Variants in DTNB observed in about 807,000 individuals in gnomAD.
DTNB encodes the protein DTN-B.
Under a neutral mutation model 90.7 loss-of-function variants are expected in DTNB, and 63 were observed. The ratio of observed to expected loss-of-function variants is 0.69; its 90% CI spans 0.57 to 0.86. DTNB has a LOEUF of 0.86. Ranked by LOEUF, DTNB falls within the 40% of genes least tolerant of loss-of-function variation. The pLI is 0.00. For missense variants in DTNB, 744 were observed against 807.1 expected (o/e 0.92, Z 0.95); for synonymous variants, 277 against 286.7 (o/e 0.97, Z 0.34).
chr2:25,447,499 CTT>C (rs34508984), intron 12 of DTNB, among the ~76,000 whole-genome samples: 31 of 116,018 alleles, frequency 2.7e-4, no homozygotes, highest in African/African-American at 6.2e-4. Flanking sequence ...AGCTAGTTAT[CTT>C]TTTTTTTTTT....
intron 6 of DTNB, among the ~76,000 whole-genome samples, chr2:25,594,051 G>A (rs1163946880): frequency 6.6e-6 from 1 of 152,198 alleles, no homozygotes; most frequent in Non-Finnish European, 1.5e-5. Flanking sequence ...CAAGGCAGCA[G>A]CAGGAGCAGC....
intron 10 of DTNB, among the ~76,000 whole-genome samples, chr2:25,455,775 G>A (rs947520919): frequency 4.6e-5 from 7 of 152,162 alleles, no homozygotes; most frequent in Non-Finnish European, 8.8e-5. Flanking sequence ...CAGGGGAGCC[G>A]CATGTACCAC....
intron 16 of DTNB, among the ~76,000 whole-genome samples, chr2:25,396,058 T>TA (rs1240863303): frequency 1.3e-5 from 2 of 152,096 alleles, no homozygotes; most frequent in Non-Finnish European, 2.9e-5. Flanking sequence ...GAAAATGTGG[T>TA]AAATGCATAC....
chr2:25,440,216 C>T (rs145991735), intron 12 of DTNB, among the ~76,000 whole-genome samples: 19 of 152,280 alleles, frequency 1.2e-4, no homozygotes, highest in Middle Eastern at 6.8e-3. Context: ...TAACAAGACT[C>T]GTCTGTTCCT....
chr2:25,598,258 T>C (rs758261204), intron 5 of DTNB, among the ~76,000 whole-genome samples: 4 of 152,218 alleles, frequency 2.6e-5, no homozygotes, highest in South Asian at 4.2e-4. Context: ...AGCTGCCATC[T>C]TGCACTATGT....
intron 1 of DTNB, among the ~76,000 whole-genome samples, chr2:25,670,833 C>A (rs1281902047): frequency 6.6e-6 from 1 of 152,146 alleles, no homozygotes; most frequent in Non-Finnish European, 1.5e-5. Context: ...CAGAAATAAA[C>A]AATTTGTAAG....
At chr2:25,494,292 C>A (rs2068270714) in intron 9 of DTNB, among the ~76,000 whole-genome samples, 1 of 152,148 alleles carries the variant, frequency 6.6e-6, no homozygotes, top group South Asian at 2.1e-4. Flanking sequence ...CTTCTAAAGC[C>A]ACTGAATAGA....
chr2:25,514,448 C>G (rs1328300516), intron 9 of DTNB, among the ~76,000 whole-genome samples: 1 of 152,062 alleles, frequency 6.6e-6, no homozygotes, highest in Non-Finnish European at 1.5e-5. Flanking sequence ...TAGACTTCGG[C>G]TTTTAAGTGT....
At chr2:25,549,298 T>C (rs1030273074) in intron 8 of DTNB, among the ~76,000 whole-genome samples, 5 of 151,958 alleles carry the variant, frequency 3.3e-5, no homozygotes, top group Non-Finnish European at 7.4e-5. Context: ...TATCTTCTAT[T>C]TTTCATGACT....
chr2:25,471,093 G>A (rs1302296013), intron 10 of DTNB, among the ~76,000 whole-genome samples: 2 of 152,196 alleles, frequency 1.3e-5, no homozygotes, highest in African/African-American at 4.8e-5. Context: ...AAAATAGTGT[G>A]TGCCTTCGCT....
At chr2:25,648,993 CTTTTTTTTTTTTTTTTTT>C (rs60749102) in intron 2 of DTNB, among the ~76,000 whole-genome samples, 3 of 93,988 alleles carry the variant, frequency 3.2e-5, no homozygotes, top group Non-Finnish European at 5.9e-5. Context: ...TCCTTCCTAC[CTTTTTTTTTTTTTTTTTT>C]TTTTTTTTTT....
chr2:25,449,053 A>G (rs1043345062), intron 12 of DTNB, among the ~76,000 whole-genome samples: 1 of 152,080 alleles, frequency 6.6e-6, no homozygotes, highest in Non-Finnish European at 1.5e-5. Context: ...ATGGCAAAGG[A>G]TAAGTTAGTT....
intron 16 of DTNB, among the ~76,000 whole-genome samples, chr2:25,395,451 C>T (rs1228584996): frequency 2.0e-5 from 3 of 151,136 alleles, no homozygotes; most frequent in Non-Finnish European, 4.4e-5. Flanking sequence ...TCACAGTATA[C>T]ATATTTGTAA....
At chr2:25,443,197 T>C (rs539065699) in intron 12 of DTNB, among the ~76,000 whole-genome samples, 53 of 152,252 alleles carry the variant, frequency 3.5e-4, no homozygotes, top group Admixed American at 1.7e-3. Flanking sequence ...ATTATAAAAG[T>C]TAAAGCTCTG....
intron 16 of DTNB, among the ~76,000 whole-genome samples, chr2:25,398,329 CT>C (rs1424705244): frequency 6.6e-6 from 1 of 152,230 alleles, no homozygotes; most frequent in Non-Finnish European, 1.5e-5. Context: ...AAGAGAAAAG[CT>C]ACGACTCCTG....
Position 25,425,518 on chromosome 2 carries a change from G to A in DTNB, c.1554+2017C>T, listed in dbSNP as rs138433759. ...CTGGGGTTAAGATCCTTGTCACTTC[G>A]GGCCTGGAGGATGAAATTAGTCTCC... is the stretch of plus-strand genomic sequence containing the variant. On this transcript the variant is annotated intron_variant, in intron 15 of 20. Transcript: ENST00000406818. Among the ~76,000 whole-genome samples, 660 of 152,274 alleles carry A rather than the reference G, an allele frequency of 4.3e-3. 6 individuals carry two copies. Among genetic ancestry groups the A allele is most frequent in the East Asian group, 0.012 (63 of 5,194 alleles).
At chr2:25,486,712 A>G (rs966863547) in intron 9 of DTNB, among the ~76,000 whole-genome samples, 1 of 152,222 alleles carries the variant, frequency 6.6e-6, no homozygotes, top group African/African-American at 2.4e-5. Context: ...GGTTCTTGTA[A>G]GACATAACTG....
chr2:25,414,794 T>C (rs1451335124), intron 16 of DTNB, among the ~76,000 whole-genome samples: 2 of 152,026 alleles, frequency 1.3e-5, no homozygotes, highest in African/African-American at 2.4e-5. Context: ...AGGCGGGGGA[T>C]GTAATAGTGA....
intron 16 of DTNB, among the ~76,000 whole-genome samples, chr2:25,391,626 C>T (rs1372186041): frequency 1.3e-5 from 2 of 152,104 alleles, no homozygotes; most frequent in African/African-American, 4.8e-5. Context: ...GAAATTAGAA[C>T]CCTAATATAC....
Sources: gnomAD v4.1 joint callset for allele counts (sites outside exome capture counted in the v4.1 genomes callset) on GRCh38, gnomAD v4.1.1 for gene constraint, MANE v1.5 for transcripts, NCBI Gene and HGNC (gene_info 2026-07-23, HGNC 2026-07-21) for gene names.